Variants in PANK1 observed in about 807,000 individuals in gnomAD.
PANK1 encodes pantothenate kinase 1, also known as pantothenic acid kinase 1.
PANK1 carries 18 observed loss-of-function variants against 40.1 expected under a neutral mutation model. That is an observed-to-expected ratio of 0.45 (90% CI 0.31 to 0.67). The LOEUF is 0.67. PANK1 is among the 30% of genes least tolerant of loss of function. The pLI is 0.06. For synonymous variants in PANK1, 242 were observed against 237.7 expected (o/e 1.02, Z -0.17); for missense variants, 457 against 599.6 (o/e 0.76, Z 2.48).
At chr10:89,610,039 G>C (rs1845104350) in intron 2 of PANK1, among the ~76,000 whole-genome samples, 1 of 152,168 alleles carries the variant, frequency 6.6e-6, no homozygotes, top group Non-Finnish European at 1.5e-5. Flanking sequence ...ATTTCCTTCT[G>C]AATCAGAATT....
At chr10:89,588,041 T>C (rs940824185) in intron 6 of PANK1, among the ~76,000 whole-genome samples, 2 of 152,234 alleles carry the variant, frequency 1.3e-5, no homozygotes, top group Admixed American at 1.3e-4. Context: ...AGTTTGATTG[T>C]TTTAGATTCC....
chr10:89,622,046 C>T (rs1845502547), intron 1 of PANK1, among the ~76,000 whole-genome samples: 1 of 152,174 alleles, frequency 6.6e-6, no homozygotes, highest in Non-Finnish European at 1.5e-5. Flanking sequence ...GGTAGATTAA[C>T]CTATCACTAA....
chr10:89,606,445 T>C (rs1844967781), intron 2 of PANK1, among the ~76,000 whole-genome samples: 1 of 152,234 alleles, frequency 6.6e-6, no homozygotes, highest in African/African-American at 2.4e-5. Context: ...CTTAGTACTT[T>C]ATCTTGCACT....
intron 1 of PANK1, among the ~76,000 whole-genome samples, chr10:89,627,855 T>A (rs1054774980): frequency 6.6e-6 from 1 of 152,134 alleles, no homozygotes; most frequent in Non-Finnish European, 1.5e-5. Flanking sequence ...AGACTAAAAC[T>A]TATACAAGTT....
In PANK1 at chr10:89,612,306, A is replaced by G. The variant is rs544199369; in HGVS notation, c.293-258T>C. 4.3e-3 allele frequency among the ~76,000 whole-genome samples: 659 copies of G among 152,332 alleles called. 3 individuals carry two copies. The highest frequency in any genetic ancestry group is 6.5e-3 in the Non-Finnish European group (445 of 68,028). ...AGTGAGATGAGAAATAGGATTCTGC[A>G]GTTCCCTAAGGCAGTCTCAATTCCT... On this transcript the variant is annotated intron_variant, in intron 1 of 6. Transcript: ENST00000307534.
At chr10:89,617,325 A>G (rs1845349923) in intron 1 of PANK1, among the ~76,000 whole-genome samples, 1 of 152,276 alleles carries the variant, frequency 6.6e-6, no homozygotes, top group Non-Finnish European at 1.5e-5. Flanking sequence ...AGCATTTGGT[A>G]AAATGATCAT....
Position 89,599,320 on chromosome 10 carries a change from G to C in PANK1, c.831C>G (p.Asn277Lys). 1.2e-6 allele frequency: 2 copies of C among 1,613,572 alleles called. No individual in the cohort carries two copies. The highest frequency in any genetic ancestry group is 1.7e-6 in the Non-Finnish European group (2 of 1,179,458). ...LDNPYPMLLV[N>K]MGSGVSILAV... ...CTAGAATGCTGACACCTGAGCCCATGTTAACCAGCAACATAGGGTATGGGT... is the reference window on the plus strand; with the variant it reads ...CTAGAATGCTGACACCTGAGCCCATCTTAACCAGCAACATAGGGTATGGGT... Residue 277 changes from asparagine to lysine, a missense_variant, in exon 3 of 7, where the codon AAC (asparagine) becomes AAG (lysine). By Grantham distance (94) the Asn-to-Lys change is moderately conservative. Transcript: ENST00000307534.
At chr10:89,612,170 T>A in intron 1 of PANK1, 122 bp from the exon 2 acceptor site, 2 of 840,712 alleles carry the variant, frequency 2.4e-6, no homozygotes, top group Non-Finnish European at 3.6e-6. Flanking sequence ...ACATTCAATT[T>A]ATTTGAATTC....
chr10:89,598,692 GC>G (rs1343549824), intron 3 of PANK1, among the ~76,000 whole-genome samples: 2 of 151,890 alleles, frequency 1.3e-5, no homozygotes, highest in African/African-American at 4.9e-5. Context: ...AAGGCCCTCT[GC>G]CCCACCATGG....
intron 1 of PANK1, among the ~76,000 whole-genome samples, chr10:89,619,336 A>G (rs11185804): frequency 0.15 from 23,097 of 152,164 alleles, 2,208 homozygotes; most frequent in East Asian, 0.45. Flanking sequence ...GCTATCAAGT[A>G]TACACAGTGA....
intron 1 of PANK1, among the ~76,000 whole-genome samples, chr10:89,633,280 A>T (rs1200198199): frequency 1.3e-5 from 2 of 152,166 alleles, no homozygotes; most frequent in Non-Finnish European, 1.5e-5. Context: ...CTGGTTTGCT[A>T]GGATAATCCC....
At position 89,593,809 on chromosome 10, in the gene PANK1, C is replaced by G; in HGVS notation, c.1076+4G>C. Reference sequence around the variant, plus strand: ...ACTACTGCTCCTAGCTACTTAATCTCTACCTTGATGCTACAGCAGATCCTT... The same window carrying G: ...ACTACTGCTCCTAGCTACTTAATCTGTACCTTGATGCTACAGCAGATCCTT... On this transcript the variant is annotated splice_donor_region_variant and intron_variant, in intron 4 of 6. Coordinates refer to ENST00000307534, the MANE Select transcript of PANK1 (RefSeq NM_148977.3). 1 of 1,609,186 alleles carries G rather than the reference C, an allele frequency of 6.2e-7. No homozygotes were observed. Among genetic ancestry groups the G allele is most frequent in the Non-Finnish European group, 8.5e-7 (1 of 1,175,664 alleles).
At chr10:89,608,726 A>G (rs184192721) in intron 2 of PANK1, among the ~76,000 whole-genome samples, 254 of 152,334 alleles carry the variant, frequency 1.7e-3, no homozygotes, top group Non-Finnish European at 2.7e-3. Flanking sequence ...TTATACAATA[A>G]CAATAACAGG....
intron 1 of PANK1, among the ~76,000 whole-genome samples, chr10:89,622,499 TAAAAG>T (rs1179339229): frequency 6.6e-6 from 1 of 152,122 alleles, no homozygotes; most frequent in Non-Finnish European, 1.5e-5. Context: ...TATTTTACCC[TAAAAG>T]AAATTATGTG....
intron 1 of PANK1, among the ~76,000 whole-genome samples, chr10:89,642,056 C>G (rs1390537589): frequency 6.6e-6 from 1 of 152,088 alleles, no homozygotes; most frequent in African/African-American, 2.4e-5. Context: ...CTAAGAAAAG[C>G]CTTCCAAGAA....
intron 2 of PANK1, among the ~76,000 whole-genome samples, chr10:89,611,108 TTA>T (rs1210353356): frequency 6.6e-6 from 1 of 152,230 alleles, no homozygotes; most frequent in African/African-American, 2.4e-5. Context: ...GGATACAGCA[TTA>T]TCCTTACTAT....
At chr10:89,636,687 G>A (rs369503001) in intron 1 of PANK1, among the ~76,000 whole-genome samples, 6 of 149,780 alleles carry the variant, frequency 4.0e-5, no homozygotes, top group Admixed American at 6.7e-5. Context: ...TCCTGACCTC[G>A]TGATCCGCCT....
intron 3 of PANK1, among the ~76,000 whole-genome samples, 160 bp from the exon 4 acceptor site, chr10:89,594,149 G>A (rs541892272): frequency 2.0e-5 from 3 of 152,282 alleles, no homozygotes; most frequent in Admixed American, 1.3e-4. Context: ...AGGGTAGACT[G>A]GATATGAAAA....
intron 3 of PANK1, among the ~76,000 whole-genome samples, chr10:89,594,616 C>T (rs10785889): frequency 0.61 from 93,269 of 151,942 alleles, 29,142 homozygotes; most frequent in East Asian, 0.93. Flanking sequence ...TGAATTTTTT[C>T]CTAGTAGACT....
Sources: allele counts gnomAD v4.1 joint callset (sites outside exome capture counted in the v4.1 genomes callset), GRCh38; gene constraint gnomAD v4.1.1; transcripts MANE v1.5; gene names NCBI Gene and HGNC (gene_info 2026-07-23, HGNC 2026-07-21).